TOX3: variants seen among roughly 807,000 people sequenced by gnomAD.
TOX3 encodes TOX high mobility group box family member 3, also known as CAG trinucleotide repeat-containing gene F9 protein.
In TOX3, 22 loss-of-function variants were observed where a neutral mutation model predicts 64.3. That is an observed-to-expected ratio of 0.34 (90% confidence interval 0.24 to 0.49). TOX3 has a LOEUF of 0.49. Ranked by LOEUF, TOX3 falls within the 20% of genes least tolerant of loss-of-function variation. TOX3 has a pLI of 0.99. For missense variants in TOX3, 661 were observed against 714.4 expected (o/e 0.93, Z 0.85); for synonymous variants, 291 against 273.6 (o/e 1.06, Z -0.63).
intron 1 of TOX3, among the ~76,000 whole-genome samples, chr16:52,528,233 A>G (rs1433064002): frequency 1.3e-5 from 2 of 152,222 alleles, no homozygotes; most frequent in Non-Finnish European, 2.9e-5. Flanking sequence ...TAATGGTAAC[A>G]TTAATGAAAT....
rs1197295935 is a variant in TOX3, at chr16:52,437,638, G to A, written c.*1587C>T. Reference sequence around the variant, plus strand: ...AACCGCTACAGAGCAAGAAAAGGGGGGAATAAATGGGCACCGAAATAATTA... The same window carrying A: ...AACCGCTACAGAGCAAGAAAAGGGGAGAATAAATGGGCACCGAAATAATTA... On this transcript the variant is annotated 3_prime_UTR_variant, in exon 7 of 7. Coordinates refer to ENST00000219746, the MANE Select transcript of TOX3 (RefSeq NM_001080430.4). Among the ~76,000 whole-genome samples the A allele has an allele frequency of 6.6e-6, 1 of 152,016 alleles. No individual in the cohort carries two copies. Among genetic ancestry groups the A allele is most frequent in the Non-Finnish European group, 1.5e-5 (1 of 67,998 alleles).
intron 1 of TOX3, among the ~76,000 whole-genome samples, chr16:52,497,266 C>T (rs564159209): frequency 3.3e-5 from 5 of 152,308 alleles, no homozygotes; most frequent in Admixed American, 6.5e-5. Flanking sequence ...TAACTAAGTA[C>T]ATTACCAACC....
At chr16:52,462,670 C>A (rs1960726939) in intron 3 of TOX3, among the ~76,000 whole-genome samples, 1 of 151,934 alleles carries the variant, frequency 6.6e-6, no homozygotes, top group Admixed American at 6.6e-5. Context: ...CTTTTCTAAG[C>A]AAAACATTGC....
intron 1 of TOX3, among the ~76,000 whole-genome samples, chr16:52,529,272 G>A (rs529627075): frequency 5.3e-5 from 8 of 152,250 alleles, no homozygotes; most frequent in African/African-American, 1.9e-4. Flanking sequence ...TGTAAATAAA[G>A]AATTGTATCC....
intron 1 of TOX3, among the ~76,000 whole-genome samples, chr16:52,499,037 T>G (rs1961931534): frequency 6.6e-6 from 1 of 152,214 alleles, no homozygotes. Flanking sequence ...ATTTTCTATT[T>G]CAACGGCATA....
intron 1 of TOX3, among the ~76,000 whole-genome samples, chr16:52,513,631 C>T (rs1442496263): frequency 6.6e-6 from 1 of 152,154 alleles, no homozygotes; most frequent in African/African-American, 2.4e-5. Context: ...TTCTGTGTTG[C>T]TCCCCCTTGA....
chr16:52,449,180 C>A (rs1172432931), intron 4 of TOX3, among the ~76,000 whole-genome samples: 1 of 152,166 alleles, frequency 6.6e-6, no homozygotes, highest in Non-Finnish European at 1.5e-5. Context: ...CCAAAGTTGT[C>A]TCTCTAAAGC....
intron 1 of TOX3, among the ~76,000 whole-genome samples, chr16:52,509,847 G>A (rs574750811): frequency 1.1e-4 from 16 of 152,292 alleles, no homozygotes; most frequent in Admixed American, 2.0e-4. Flanking sequence ...TTTCATTAAT[G>A]TAATTAACCT....
At chr16:52,512,818 T>TA (rs927368255) in intron 1 of TOX3, among the ~76,000 whole-genome samples, 25 of 150,448 alleles carry the variant, frequency 1.7e-4, no homozygotes, top group Admixed American at 4.0e-4. Context: ...GGCATGTTAT[T>TA]AAAAAAAAAG....
rs568780519 is a variant in TOX3, at chr16:52,469,183, T to C, written c.88-609A>G. Among the ~76,000 whole-genome samples, 4 of 152,314 alleles carry C rather than the reference T, an allele frequency of 2.6e-5. 1 individual carries two copies. The highest frequency in any genetic ancestry group is 9.6e-5 in the African/African-American group (4 of 41,562). ...TGATATTTAATCTCTCAATGTAACA[T>C]TAAGTGCAAAGAGGTTTAAAAATAA... is the stretch of plus-strand genomic sequence containing the variant. On this transcript the variant is annotated intron_variant, in intron 1 of 6. Transcript: ENST00000219746.
Position 52,464,146 on chromosome 16 carries a change from T to C in TOX3, c.196A>G (p.Ile66Val). The change falls in exon 3 of 7, where the codon ATT becomes GTT. Residue 66 changes from isoleucine (I) to valine (V), a missense_variant. Ile to Val is a conservative substitution (Grantham distance 29). Around this residue, in one of 3 missense-constraint regions of TOX3, gnomAD observed 259 missense variants for 261.2 expected, o/e 0.99. Transcript: ENST00000219746. ...TCTGGAGGAGGCGTGATTGGTGGAA[T>C]TTCGAATTCCTCGTCCCCAAGGCTT... ...TPSLGDEEFE[I>V]PPITPPPESD... 6.3e-7 allele frequency: 1 copy of C among 1,578,552 alleles called. No individual in the cohort carries two copies. Among genetic ancestry groups the C allele is most frequent in the Non-Finnish European group, 8.6e-7 (1 of 1,161,600 alleles).
At chr16:52,453,247 C>CA (rs1470263017) in intron 3 of TOX3, among the ~76,000 whole-genome samples, 1 of 150,996 alleles carries the variant, frequency 6.6e-6, no homozygotes, top group African/African-American at 2.4e-5. Context: ...GCAGTGGTGC[C>CA]ATCTCGGCTC....
chr16:52,455,552 A>C (rs926696555), intron 3 of TOX3, among the ~76,000 whole-genome samples: 2 of 152,212 alleles, frequency 1.3e-5, no homozygotes, highest in African/African-American at 2.4e-5. Context: ...CATCCACATA[A>C]ACAAGATTCC....
At chr16:52,491,354 T>C (rs1961681944) in intron 1 of TOX3, among the ~76,000 whole-genome samples, 1 of 152,186 alleles carries the variant, frequency 6.6e-6, no homozygotes, top group Non-Finnish European at 1.5e-5. Flanking sequence ...TTTGTCTTTC[T>C]TCCTAATTAA....
intron 1 of TOX3, among the ~76,000 whole-genome samples, chr16:52,524,119 T>G (rs1596858002): frequency 6.6e-6 from 1 of 152,212 alleles, no homozygotes; most frequent in Admixed American, 6.5e-5. Flanking sequence ...TTTATCACAG[T>G]TGGATATGAC....
At chr16:52,466,679 T>C (rs2151757900) in intron 2 of TOX3, among the ~76,000 whole-genome samples, 1 of 152,312 alleles carries the variant, frequency 6.6e-6, no homozygotes, top group African/African-American at 2.4e-5. Context: ...GAGAGAGATG[T>C]CATATGCAAT....
chr16:52,504,866 G>C (rs1368862718), intron 1 of TOX3, among the ~76,000 whole-genome samples: 1 of 151,950 alleles, frequency 6.6e-6, no homozygotes, highest in Non-Finnish European at 1.5e-5. Context: ...ATAGAGTCTT[G>C]CTCTGTTGCC....
chr16:52,439,374 G>C lies in TOX3; in HGVS notation c.1582C>G (p.Pro528Ala), dbSNP rs1959863652. ...QLQHMQHQSQPSPRQHSPVAS... is the reference protein window; with the variant it reads ...QLQHMQHQSQASPRQHSPVAS... ...ACAGGGGAGTGCTGCCGAGGAGAAG[G>C]CTGAGACTGGTGCTGCATGTGTTGC... is the stretch of plus-strand genomic sequence containing the variant. The change falls in exon 7 of 7, where the codon CCT becomes GCT. Residue 528 changes from proline to alanine, a missense_variant. This residue lies in a region of TOX3 where 299 missense variants were observed against 292.1 expected (regional missense o/e 1.02). Transcript: ENST00000219746. 3 of 1,603,846 alleles carry C rather than the reference G, an allele frequency of 1.9e-6. No homozygotes were observed. The highest frequency in any genetic ancestry group is 1.3e-5 in the African/African-American group (1 of 74,736).
chr16:52,466,432 T>C lies in TOX3; in HGVS notation c.153+2077A>G, dbSNP rs1960865020. 1.3e-5 allele frequency among the ~76,000 whole-genome samples: 2 copies of C among 152,174 alleles called. 1 individual carries two copies. The highest frequency in any genetic ancestry group is 4.1e-4 in the South Asian group (2 of 4,828). ...ACAGCATGCAAACCTAAAGACTTCCTGAATTAGTTTACACTCATTAAAATG... is the reference window on the plus strand; with the variant it reads ...ACAGCATGCAAACCTAAAGACTTCCCGAATTAGTTTACACTCATTAAAATG... On this transcript the variant is annotated intron_variant, in intron 2 of 6. Transcript: ENST00000219746.
Sources: allele counts gnomAD v4.1 joint callset (sites outside exome capture counted in the v4.1 genomes callset), GRCh38; gene constraint gnomAD v4.1.1; regional missense constraint gnomAD v4.1.1; transcripts MANE v1.5; gene names NCBI Gene and HGNC (gene_info 2026-07-23, HGNC 2026-07-21).